The following CDH22 variants were observed in gnomAD, a reference collection of about 807,000 sequenced individuals.
CDH22 encodes cadherin 22, also known as cadherin-22.
In CDH22, 30 loss-of-function variants were observed where a neutral mutation model predicts 58.4. The observed-to-expected ratio is 0.51, with a 90% CI of 0.38 to 0.70. CDH22 has a LOEUF of 0.70. Ranked by LOEUF, CDH22 falls within the 30% of genes least tolerant of loss-of-function variation. The probability of loss-of-function intolerance (pLI) is 0.00; values close to 1 mark genes in which losing one functional copy is unlikely to be tolerated. For missense variants in CDH22, 1,014 were observed against 1,233.9 expected (o/e 0.82, Z 2.67); for synonymous variants, 513 against 558.2 (o/e 0.92, Z 1.14).
Position 46,308,381 on chromosome 20 carries a change from C to G in CDH22, c.-526G>C, listed in dbSNP as rs1048649609. On this transcript the variant is annotated 5_prime_UTR_variant, in exon 1 of 12. Transcript: ENST00000537909. This position sits in a 1 kb window ranked among gnomAD's most constrained non-coding sequence, Gnocchi z 4.3. Reference sequence around the variant, plus strand: ...CCGCCCGCAGGAGCCGGAGGGAGAGCGGGAGCGAGAGGGGGAGCCGCGGCG... The same window carrying G: ...CCGCCCGCAGGAGCCGGAGGGAGAGGGGGAGCGAGAGGGGGAGCCGCGGCG... 1.5e-5 allele frequency: 3 copies of G among 195,560 alleles called. No homozygotes were observed. The highest frequency in any genetic ancestry group is 7.1e-5 in the African/African-American group (3 of 42,116). 12.1% of individuals were successfully genotyped at this position (195,560 alleles called of 1,614,324 possible). A position where few individuals can be genotyped will look rare whatever the true frequency, so the allele number is the denominator to read the frequency against.
rs187378196 is a variant in CDH22, at chr20:46,234,611, G to A, written c.550+6352C>T. On this transcript the variant is annotated intron_variant, in intron 3 of 11. Transcript: ENST00000537909. ...AATTGAAACACATGGAAAAGTGCCC[G>A]TTTCCACATTCTGTTGAGCCCCAAT... 9.3e-4 allele frequency among the ~76,000 whole-genome samples: 142 copies of A among 152,296 alleles called. 1 individual carries two copies. The highest frequency in any genetic ancestry group is 2.9e-3 in the African/African-American group (122 of 41,560).
Position 46,300,399 on chromosome 20 carries a change from G to A in CDH22, c.-400+7856C>T, listed in dbSNP as rs2086645955. Among the ~76,000 whole-genome samples the A allele has an allele frequency of 6.6e-6, 1 of 152,128 alleles. No individual in the cohort carries two copies. The highest frequency in any genetic ancestry group is 2.4e-5 in the African/African-American group (1 of 41,416). Reference sequence around the variant, plus strand: ...CACTGACCTGGATCCACCTGCTTCTGCTTCCCATCCATCAGCCTGCCCGGG... The same window carrying A: ...CACTGACCTGGATCCACCTGCTTCTACTTCCCATCCATCAGCCTGCCCGGG... On this transcript the variant is annotated intron_variant, in intron 1 of 11. Coordinates refer to ENST00000537909, the MANE Select transcript of CDH22 (RefSeq NM_021248.3). This position sits in a 1 kb window ranked among gnomAD's most constrained non-coding sequence, Gnocchi z 4.4.
intron 1 of CDH22, among the ~76,000 whole-genome samples, chr20:46,292,343 G>A (rs1177159688): frequency 2.6e-5 from 4 of 152,198 alleles, no homozygotes; most frequent in Non-Finnish European, 5.9e-5. Flanking sequence ...GGTGGGGTTC[G>A]CTCTGCTCCT....
chr20:46,212,077 G>T (rs1028884339), intron 6 of CDH22, among the ~76,000 whole-genome samples: 2 of 152,204 alleles, frequency 1.3e-5, no homozygotes, highest in South Asian at 2.1e-4. Flanking sequence ...TGGGCATTTT[G>T]TCTATCCTCA....
Position 46,251,347 on chromosome 20 carries a change from C to A in CDH22, c.-53G>T. On this transcript the variant is annotated 5_prime_UTR_variant, in exon 2 of 12. Coordinates refer to ENST00000537909, the MANE Select transcript of CDH22 (RefSeq NM_021248.3). The surrounding 1 kb of genome is among the most constrained non-coding windows in gnomAD (Gnocchi z 6.7). ...GGAGCATGGACGAGAGGCACCAGGG[C>A]GCCGCTGCTTGGTCGCACAACGATG... The A allele has an allele frequency of 7.1e-7, 1 of 1,404,638 alleles. No individual in the cohort carries two copies. The highest frequency in any genetic ancestry group is 9.2e-7 in the Non-Finnish European group (1 of 1,087,884). 87.0% of individuals were successfully genotyped at this position (1,404,638 alleles called of 1,614,324 possible).
In CDH22 at chr20:46,175,192, A is replaced by C; in HGVS notation, c.1916-115T>G. On this transcript the variant is annotated intron_variant, in intron 11 of 11. Coordinates refer to ENST00000537909, the MANE Select transcript of CDH22 (RefSeq NM_021248.3). ...CCAGCAGAGCGGGCCCAGCCTCAAC[A>C]TTCCTACAGATTTCCTGGATTTCTG... is the stretch of plus-strand genomic sequence containing the variant. 3.2e-6 allele frequency: 3 copies of C among 939,064 alleles called. No homozygotes were observed. In the South Asian group the frequency reaches 5.3e-5, roughly 16 times the overall value. The allele number at this position is 939,064 out of a possible 1,614,324, so 58.2% of individuals were successfully genotyped here.
rs1319919711 is a variant in CDH22, at chr20:46,251,129, C to T, written c.166G>A (p.Gly56Arg). ...APGARQDGAL[G>R]AGRVKRGWVW... ...CAGCCGCGTTTGACGCGGCCGGCTC[C>T]CAGCGCGCCGTCCTGCCGAGCTCCG... is the stretch of plus-strand genomic sequence containing the variant. The change falls in exon 2 of 12, where the codon GGA becomes AGA. Residue 56 changes from glycine (G) to arginine (R), a missense_variant. Physicochemically the swap from Gly to Arg is moderately radical, Grantham distance 125. Transcript: ENST00000537909. The surrounding 1 kb of genome is among the most constrained non-coding windows in gnomAD (Gnocchi z 6.7). The T allele has an allele frequency of 1.9e-6, 3 of 1,606,374 alleles. No homozygotes were observed. Among genetic ancestry groups the T allele is most frequent in the Non-Finnish European group, 2.5e-6 (3 of 1,176,682 alleles).
At chr20:46,198,221 G>A (rs1306702144) in intron 8 of CDH22, among the ~76,000 whole-genome samples, 1 of 150,038 alleles carries the variant, frequency 6.7e-6, no homozygotes, top group Admixed American at 6.7e-5. Flanking sequence ...TACTTACCTG[G>A]ATGCCATGTC....
chr20:46,236,982 C>T (rs995098613), intron 3 of CDH22, among the ~76,000 whole-genome samples: 3 of 152,186 alleles, frequency 2.0e-5, no homozygotes, highest in Admixed American at 6.5e-5. Flanking sequence ...CATGGGCCAC[C>T]GCACCTGGCC....
intron 7 of CDH22, among the ~76,000 whole-genome samples, chr20:46,209,564 G>A (rs1246179969): frequency 2.0e-5 from 3 of 152,150 alleles, no homozygotes; most frequent in Admixed American, 2.0e-4. Context: ...GACAGAATCA[G>A]GGACACCAGC....
At chr20:46,299,223 C>T (rs2086640809) in intron 1 of CDH22, among the ~76,000 whole-genome samples, 1 of 152,196 alleles carries the variant, frequency 6.6e-6, no homozygotes, top group Non-Finnish European at 1.5e-5. Flanking sequence ...ACACCGAAGC[C>T]TTTGCCAAGC....
intron 2 of CDH22, among the ~76,000 whole-genome samples, chr20:46,244,776 T>C (rs910915402): frequency 1.3e-5 from 2 of 152,150 alleles, no homozygotes; most frequent in African/African-American, 4.8e-5. Context: ...CTGCACAGCT[T>C]GGGTGGTGGC....
intron 3 of CDH22, among the ~76,000 whole-genome samples, chr20:46,234,392 ATT>A (rs2086239963): frequency 6.6e-6 from 1 of 152,192 alleles, no homozygotes; most frequent in Non-Finnish European, 1.5e-5. Context: ...ATCACTTTGC[ATT>A]TATTTTTTCA....
At chr20:46,304,081 C>CA in intron 1 of CDH22, among the ~76,000 whole-genome samples, 1 of 152,202 alleles carries the variant, frequency 6.6e-6, no homozygotes, top group East Asian at 1.9e-4. Context: ...CCCACACTGC[C>CA]GGCTGCATGC....
rs140405463 is a variant in CDH22 at position 46,224,714 on chromosome 20, C to G, written c.670+2794G>C. On this transcript the variant is annotated intron_variant, in intron 4 of 11. Coordinates refer to ENST00000537909, the MANE Select transcript of CDH22 (RefSeq NM_021248.3). Reference sequence around the variant, plus strand: ...ATAAATCCTACTACATGGAAAGAAACTCTGCCTCCTCCCCCAACCTAGTCC... The same window carrying G: ...ATAAATCCTACTACATGGAAAGAAAGTCTGCCTCCTCCCCCAACCTAGTCC... 3.0e-3 allele frequency among the ~76,000 whole-genome samples: 457 copies of G among 152,314 alleles called. 7 individuals are homozygous for G. Among genetic ancestry groups the G allele is most frequent in the Admixed American group, 0.026 (403 of 15,296 alleles).
At chr20:46,258,942 T>C (rs1415379149) in intron 1 of CDH22, among the ~76,000 whole-genome samples, 1 of 152,218 alleles carries the variant, frequency 6.6e-6, no homozygotes, top group Non-Finnish European at 1.5e-5. Context: ...TTGGGTGGTC[T>C]TCAGGGGGTT....
Position 46,216,685 on chromosome 20 carries a change from GGACA to G in CDH22, c.838+137_838+140del, listed in dbSNP as rs200202008. 3.9e-4 allele frequency: 326 copies of G among 826,952 alleles called. No homozygotes were observed. Among genetic ancestry groups the G allele is most frequent in the South Asian group, 6.0e-4 (36 of 60,196 alleles). The allele number at this position is 826,952 out of a possible 1,614,324, so 51.2% of individuals were successfully genotyped here. ...CTGGGGGATAGCTGGTGGCTTGGGAGGACAGACAGACAGACAGAAAGAGAGGGGG... is the reference window on the plus strand; with the variant it reads ...CTGGGGGATAGCTGGTGGCTTGGGAGGACAGACAGACAGAAAGAGAGGGGG... On this transcript the variant is annotated intron_variant, in intron 5 of 11. Coordinates refer to ENST00000537909, the MANE Select transcript of CDH22 (RefSeq NM_021248.3). The surrounding 1 kb of genome is among the most constrained non-coding windows in gnomAD (Gnocchi z 5.3).
Position 46,251,549 on chromosome 20 carries a change from CCG to C in CDH22, c.-257_-256del. ...GCCCCCGGGGTGCCCGCCCGCGCCCCCGTCGCCGCGTCGCGTGCGGATCACCA... is the reference window on the plus strand; with the variant it reads ...GCCCCCGGGGTGCCCGCCCGCGCCCCTCGCCGCGTCGCGTGCGGATCACCA... On this transcript the variant is annotated 5_prime_UTR_variant, in exon 2 of 12. Transcript: ENST00000537909. The surrounding 1 kb of genome is among the most constrained non-coding windows in gnomAD (Gnocchi z 6.7). 3.3e-6 allele frequency: 1 copy of C among 301,426 alleles called. No homozygotes were observed. Among genetic ancestry groups the C allele is most frequent in the African/African-American group, 2.2e-5 (1 of 45,412 alleles). The allele number at this position is 301,426 out of a possible 1,614,324, so 18.7% of individuals were successfully genotyped here.
chr20:46,240,989 C>A lies in CDH22; in HGVS notation c.524G>T (p.Gly175Val), dbSNP rs1313344397. 2 of 1,613,240 alleles carry A rather than the reference C, an allele frequency of 1.2e-6. No individual in the cohort carries two copies. Among genetic ancestry groups the A allele is most frequent in the African/African-American group, 1.3e-5 (1 of 74,916 alleles). The change falls in exon 3 of 12, where the codon GGC becomes GTC. Residue 175 changes from glycine to valine, a missense_variant. By Grantham distance (109) the Gly-to-Val change is moderately radical (BLOSUM62 -3). Coordinates refer to ENST00000537909, the MANE Select transcript of CDH22 (RefSeq NM_021248.3). ...TGTAGGTGAGAGCTCGGCCACGCTG[C>A]CAATATAGGGGCCGTGCAGGAAGCG... ...EPRFLHGPYI[G>V]SVAELSPTGT...
Sources: allele counts gnomAD v4.1 joint callset (sites outside exome capture counted in the v4.1 genomes callset), GRCh38; gene constraint gnomAD v4.1.1; non-coding constraint Gnocchi (gnomAD v3.1); transcripts MANE v1.5; gene names NCBI Gene and HGNC (gene_info 2026-07-23, HGNC 2026-07-21).